The following MORC1 variants were observed in gnomAD, a reference collection of about 807,000 sequenced individuals.
MORC1 encodes MORC family CW-type zinc finger 1.
MORC1 carries 59 observed loss-of-function variants against 134.9 expected under a neutral mutation model. That is an observed-to-expected ratio of 0.44 (90% CI 0.35 to 0.54). The LOEUF (loss-of-function observed/expected upper bound fraction) is 0.54, where lower values mean the gene tolerates loss of function less well. Among genes scored for constraint, MORC1 ranks in the 20% least tolerant of loss-of-function variants. The pLI is 0.00. For synonymous variants in MORC1, 395 were observed against 391.7 expected, an observed-to-expected ratio of 1.01 and a Z score of -0.10; for missense variants, 947 against 1,134.5, an observed-to-expected ratio of 0.83 and a Z score of 2.37.
intron 21 of MORC1, among the ~76,000 whole-genome samples, chr3:108,988,500 G>T (rs1315281539): frequency 1.3e-5 from 2 of 152,014 alleles, no homozygotes. Flanking sequence ...TTCTTCTGAT[G>T]CACTGATATA....
intron 3 of MORC1, chr3:109,110,218 C>G (rs1454279517): frequency 6.6e-6 from 1 of 152,410 alleles, no homozygotes; most frequent in African/African-American, 2.4e-5. Context: ...TGCGTGACTA[C>G]CTGGGCATTA....
chr3:108,973,482 T>C (rs913514975), intron 24 of MORC1, among the ~76,000 whole-genome samples: 1 of 152,052 alleles, frequency 6.6e-6, no homozygotes, highest in Non-Finnish European at 1.5e-5. Context: ...ACCTGCACCA[T>C]ACACCAGAGA....
chr3:108,979,613 T>A lies in MORC1; in HGVS notation c.2379A>T (p.Arg793Ser), dbSNP rs981253780. ...CTTTACAACTGCCACTCACAGAAAC[T>A]CTGGCTATGTGTCCAGAACTTAGAT... is the stretch of plus-strand genomic sequence containing the variant. ...DVNLSSGHIARVSVSGSCKVA... is the reference protein window; with the variant it reads ...DVNLSSGHIASVSVSGSCKVA... Residue 793 changes from arginine to serine, a missense_variant, in exon 24 of 28, where the codon AGA (arginine) becomes AGT (serine). Physicochemically the swap from Arg to Ser is moderately radical, Grantham distance 110 (BLOSUM62 -1). Transcript: ENST00000232603. The A allele has an allele frequency of 6.2e-7, 1 of 1,614,178 alleles. No individual in the cohort carries two copies. Among genetic ancestry groups the A allele is most frequent in the Admixed American group, 1.7e-5 (1 of 60,030 alleles).
At chr3:109,020,243 A>G (rs1948923294) in intron 17 of MORC1, among the ~76,000 whole-genome samples, 1 of 152,200 alleles carries the variant, frequency 6.6e-6, no homozygotes, top group East Asian at 1.9e-4. Flanking sequence ...AATTATTCCT[A>G]GTGGTCTTGG....
rs2107766470 is a variant in MORC1 at position 109,095,048 on chromosome 3, T to C, written c.444A>G (p.Ser148=). The change falls in exon 7 of 28, where the codon TCA becomes TCG. Residue 148 remains serine (S), a synonymous_variant. Coordinates refer to ENST00000232603, the MANE Select transcript of MORC1 (RefSeq NM_014429.4). ...SLSEVVVPMP[S]WLIRTRESVT... ...CAGATTCTCTGGTTCTTATTAACCA[T>C]GAGGGCATTGGAACTACAACCTATT... The C allele has an allele frequency of 1.3e-6, 2 of 1,587,034 alleles. No homozygotes were observed. The highest frequency in any genetic ancestry group is 1.7e-6 in the Non-Finnish European group (2 of 1,172,274).
At chr3:108,968,437 T>C (rs1947277567) in intron 26 of MORC1, among the ~76,000 whole-genome samples, 1 of 152,222 alleles carries the variant, frequency 6.6e-6, no homozygotes. Context: ...TAAGAAGGAA[T>C]ATGGTTTAGG....
At chr3:109,088,480 T>A (rs1189791369) in intron 8 of MORC1, among the ~76,000 whole-genome samples, 1 of 152,080 alleles carries the variant, frequency 6.6e-6, no homozygotes, top group African/African-American at 2.4e-5. Flanking sequence ...AACCTCAATA[T>A]CACTGATCAT....
At chr3:109,088,450 G>C (rs1402501583) in intron 8 of MORC1, among the ~76,000 whole-genome samples, 1 of 152,056 alleles carries the variant, frequency 6.6e-6, no homozygotes, top group Non-Finnish European at 1.5e-5. Flanking sequence ...CATACATACA[G>C]CCAACAAGCA....
At chr3:109,071,693 G>A (rs1445971066) in intron 8 of MORC1, among the ~76,000 whole-genome samples, 2 of 152,158 alleles carry the variant, frequency 1.3e-5, no homozygotes, top group Non-Finnish European at 2.9e-5. Flanking sequence ...ACATGTGTGT[G>A]ATGTTTCCAT....
intron 17 of MORC1, among the ~76,000 whole-genome samples, chr3:109,009,777 T>A (rs1948639556): frequency 6.6e-6 from 1 of 152,194 alleles, no homozygotes. Flanking sequence ...CTGTTGACTA[T>A]TCTGGGGACA....
chr3:108,977,042 T>C (rs1947583154), intron 24 of MORC1, among the ~76,000 whole-genome samples: 1 of 152,202 alleles, frequency 6.6e-6, no homozygotes, highest in Admixed American at 6.5e-5. Context: ...TAAGTAGCTA[T>C]GCATCCAAAC....
At chr3:109,035,967 A>G (rs1336906948) in intron 14 of MORC1, among the ~76,000 whole-genome samples, 1 of 151,950 alleles carries the variant, frequency 6.6e-6, no homozygotes, top group Non-Finnish European at 1.5e-5. Context: ...CCTATCCCCA[A>G]ATTGTGTATT....
intron 5 of MORC1, among the ~76,000 whole-genome samples, chr3:109,099,998 C>A (rs1288782660): frequency 1.3e-5 from 2 of 152,006 alleles, no homozygotes; most frequent in Non-Finnish European, 2.9e-5. Flanking sequence ...AATTCCAGTA[C>A]TTTGGGAGGC....
intron 3 of MORC1, among the ~76,000 whole-genome samples, 163 bp downstream of exon 3, chr3:109,110,586 C>T (rs1457713639): frequency 6.6e-6 from 1 of 152,104 alleles, no homozygotes; most frequent in Non-Finnish European, 1.5e-5. Context: ...TCAGAGTATA[C>T]TCTCCTCACC....
At chr3:109,082,072 C>T (rs1239928805) in intron 8 of MORC1, among the ~76,000 whole-genome samples, 1 of 152,012 alleles carries the variant, frequency 6.6e-6, no homozygotes, top group East Asian at 1.9e-4. Flanking sequence ...GAAGTATGTT[C>T]CACAGGTCCC....
chr3:109,071,105 TAAAAG>T (rs1433323576), intron 8 of MORC1, among the ~76,000 whole-genome samples: 1 of 152,186 alleles, frequency 6.6e-6, no homozygotes, highest in Non-Finnish European at 1.5e-5. Context: ...CCTCACCTGA[TAAAAG>T]AAACGGAAAG....
chr3:108,991,695 G>A (rs576055149), intron 21 of MORC1, among the ~76,000 whole-genome samples: 2 of 152,146 alleles, frequency 1.3e-5, no homozygotes, highest in Non-Finnish European at 2.9e-5. Context: ...CTTTGCTCCA[G>A]TTATTTCCAA....
intron 27 of MORC1, among the ~76,000 whole-genome samples, chr3:108,960,508 G>A (rs1463475501): frequency 1.3e-5 from 2 of 152,134 alleles, no homozygotes; most frequent in East Asian, 1.9e-4. Context: ...AACAGTGGTC[G>A]GTCAAGAGCA....
At chr3:109,032,079 T>A (rs1415472252) in intron 16 of MORC1, among the ~76,000 whole-genome samples, 1 of 152,174 alleles carries the variant, frequency 6.6e-6, no homozygotes, top group African/African-American at 2.4e-5. Context: ...GTTATTACCC[T>A]AATGTCTATA....
Sources: gnomAD v4.1 joint callset for allele counts (sites outside exome capture counted in the v4.1 genomes callset) on GRCh38, gnomAD v4.1.1 for gene constraint, MANE v1.5 for transcripts, NCBI Gene and HGNC (gene_info 2026-07-23, HGNC 2026-07-21) for gene names.